The following PARD3B variants were observed in gnomAD, a reference collection of about 807,000 sequenced individuals.
The protein encoded by PARD3B is par-3 family cell polarity regulator beta.
A neutral mutation model predicts 130.2 loss-of-function variants in PARD3B; 103 were observed. That is an observed-to-expected ratio of 0.79 (90% CI 0.67 to 0.93). PARD3B has a LOEUF of 0.93. PARD3B is among the 40% of genes least tolerant of loss of function. The pLI, the probability that PARD3B is intolerant of heterozygous loss-of-function variation, is 0.00. For synonymous variants in PARD3B, 583 were observed against 553.2 expected (o/e 1.05, Z -0.76); for missense variants, 1,609 against 1,499.2 (o/e 1.07, Z -1.21).
In PARD3B at chr2:204,976,999, C is replaced by T. The variant is rs779902624; in HGVS notation, c.394+11676C>T. ...ATAAGATCATGTTCTCTCTTTTTCA[C>T]GAATTTAGATTCTGGTTGTCTTATG... On this transcript the variant is annotated intron_variant, in intron 3 of 22. Transcript: ENST00000406610. Among the ~76,000 whole-genome samples the T allele has an allele frequency of 3.3e-5, 5 of 152,202 alleles. No homozygotes were observed. The South Asian group carries it at 6.2e-4, about 19-fold the overall frequency.
chr2:205,165,004 A>G (rs1007189224), intron 11 of PARD3B, among the ~76,000 whole-genome samples: 2 of 152,166 alleles, frequency 1.3e-5, no homozygotes, highest in Non-Finnish European at 2.9e-5. Context: ...TCTCAGTATA[A>G]GCAAGTGCCA....
intron 3 of PARD3B, among the ~76,000 whole-genome samples, chr2:205,025,998 G>C (rs975946853): frequency 2.6e-5 from 4 of 152,064 alleles, no homozygotes; most frequent in African/African-American, 9.7e-5. Context: ...TACAGCCCGC[G>C]GTACGCTAGG....
chr2:205,231,798 A>C (rs1280135254), intron 15 of PARD3B, among the ~76,000 whole-genome samples: 6 of 152,210 alleles, frequency 3.9e-5, no homozygotes, highest in Non-Finnish European at 7.3e-5. Context: ...ACCAGAGAAG[A>C]GAGATCTGCA....
chr2:205,053,799 C>T (rs1699400152), intron 4 of PARD3B, among the ~76,000 whole-genome samples: 1 of 151,798 alleles, frequency 6.6e-6, no homozygotes, highest in South Asian at 2.1e-4. Context: ...CATTGTTTTC[C>T]AAAGAGGAGA....
intron 19 of PARD3B, among the ~76,000 whole-genome samples, chr2:205,403,179 G>A (rs534565455): frequency 1.4e-4 from 21 of 152,222 alleles, no homozygotes; most frequent in South Asian, 4.2e-4. Context: ...TTTCTTTGAC[G>A]TGATTCAAGC....
chr2:204,777,623 G>A (rs1200431538), intron 2 of PARD3B, among the ~76,000 whole-genome samples: 2 of 152,032 alleles, frequency 1.3e-5, no homozygotes, highest in South Asian at 2.1e-4. Flanking sequence ...AAAAAAATTA[G>A]CCAGGAATTG....
In PARD3B at chr2:204,733,829, A is replaced by G. The variant is rs979914127; in HGVS notation, c.222+47547A>G. On this transcript the variant is annotated intron_variant, in intron 2 of 22. Transcript: ENST00000406610. ...GCAAGTGGTATTACTAAACACACCC[A>G]TCTCCATTCAATACAAAATTCACTT... 7.2e-5 allele frequency among the ~76,000 whole-genome samples: 11 copies of G among 152,106 alleles called. No homozygotes were observed. In the East Asian group the frequency reaches 1.2e-3, roughly 16 times the overall value.
rs1575297526 is a variant in PARD3B at position 205,538,876 on chromosome 2, CT to C, written c.3181-14447del. 3.3e-5 allele frequency among the ~76,000 whole-genome samples: 5 copies of C among 152,294 alleles called. No homozygotes were observed. In the East Asian group the frequency reaches 9.6e-4, roughly 29 times the overall value. ...TGAATATTTACTGACATGTAGTAGA[CT>C]ATGTGTGAGATGTACTATGTGATTT... On this transcript the variant is annotated intron_variant, in intron 21 of 22. Transcript: ENST00000406610.
chr2:205,216,358 T>A (rs1166546181), intron 15 of PARD3B, among the ~76,000 whole-genome samples: 1 of 152,158 alleles, frequency 6.6e-6, no homozygotes. Flanking sequence ...AGTCATCTAG[T>A]GACGCATGGC....
chr2:205,093,391 G>A (rs1018329634), intron 4 of PARD3B, among the ~76,000 whole-genome samples: 1 of 152,064 alleles, frequency 6.6e-6, no homozygotes, highest in Non-Finnish European at 1.5e-5. Context: ...GACCTGTAAA[G>A]AAATCTTCAC....
chr2:205,042,843 A>G (rs1287974078), intron 3 of PARD3B, among the ~76,000 whole-genome samples: 12 of 150,990 alleles, frequency 7.9e-5, no homozygotes, highest in Admixed American at 4.6e-4. Context: ...CCCTGTCCTG[A>G]TGCATAAGGG....
chr2:204,799,775 C>T lies in PARD3B; in HGVS notation c.222+113493C>T, dbSNP rs146993348. 2.6e-5 allele frequency among the ~76,000 whole-genome samples: 4 copies of T among 152,286 alleles called. No homozygotes were observed. The highest frequency in any genetic ancestry group is 5.9e-5 in the Non-Finnish European group (4 of 68,032). ...CTTATCCAAGACCACCAAGATGGTA[C>T]CTGTACAAGTCTGCAAAAGCCATAG... is the stretch of plus-strand genomic sequence containing the variant. On this transcript the variant is annotated intron_variant, in intron 2 of 22. Transcript: ENST00000406610. The surrounding 1 kb of genome is among the most constrained non-coding windows in gnomAD (Gnocchi z 4.1).
chr2:205,406,021 C>T (rs562492946), intron 19 of PARD3B, among the ~76,000 whole-genome samples: 1 of 152,272 alleles, frequency 6.6e-6, no homozygotes, highest in East Asian at 1.9e-4. Flanking sequence ...CTGCTTAGAT[C>T]ACACCTGGAA....
chr2:205,456,726 C>G (rs1334811509), intron 20 of PARD3B, among the ~76,000 whole-genome samples: 1 of 151,080 alleles, frequency 6.6e-6, no homozygotes. Flanking sequence ...CCTTGCATTT[C>G]TAGAATAAAA....
At chr2:205,372,998 AT>A (rs1241121713) in intron 18 of PARD3B, among the ~76,000 whole-genome samples, 1 of 152,142 alleles carries the variant, frequency 6.6e-6, no homozygotes, top group African/African-American at 2.4e-5. Context: ...ATGATGAATT[AT>A]TTTTTTAAAT....
chr2:205,370,872 T>C (rs2044788110), intron 18 of PARD3B, among the ~76,000 whole-genome samples: 1 of 152,120 alleles, frequency 6.6e-6, no homozygotes, highest in Admixed American at 6.5e-5. Context: ...CTGTCAACTG[T>C]CTGTGTGTGG....
chr2:205,438,174 G>A (rs913934100), intron 19 of PARD3B, among the ~76,000 whole-genome samples: 1 of 152,006 alleles, frequency 6.6e-6, no homozygotes, highest in African/African-American at 2.4e-5. Flanking sequence ...TCAAAGAAAC[G>A]GTTTTGTTTC....
rs561347627 is a variant in PARD3B, at chr2:204,890,538, C to T, written c.223-74614C>T. Among the ~76,000 whole-genome samples, 109 of 152,196 alleles carry T rather than the reference C, an allele frequency of 7.2e-4. 1 individual carries two copies. Among genetic ancestry groups the T allele is most frequent in the Middle Eastern group, 6.8e-3 (2 of 294 alleles). ...AAGGAACAGTATGTTAATGGATTTT[C>T]CTTGTTTTGGGTACCATCATTGATT... On this transcript the variant is annotated intron_variant, in intron 2 of 22. Transcript: ENST00000406610. This position sits in a 1 kb window ranked among gnomAD's most constrained non-coding sequence, Gnocchi z 4.9.
chr2:204,787,931 C>T (rs1388185138), intron 2 of PARD3B, among the ~76,000 whole-genome samples: 1 of 152,266 alleles, frequency 6.6e-6, no homozygotes, highest in African/African-American at 2.4e-5. Context: ...TCCTACCAGA[C>T]GGAGCTCCTG....
Sources: allele counts gnomAD v4.1 joint callset (sites outside exome capture counted in the v4.1 genomes callset), GRCh38; gene constraint gnomAD v4.1.1; non-coding constraint Gnocchi (gnomAD v3.1); transcripts MANE v1.5; gene names NCBI Gene and HGNC (gene_info 2026-07-23, HGNC 2026-07-21).